Variants in ATAD2B observed in about 807,000 individuals in gnomAD.
ATAD2B encodes ATPase family AAA domain containing 2B, also known as ATPase family AAA domain-containing protein 2B.
ATAD2B carries 40 observed loss-of-function variants against 167.6 expected under a neutral mutation model. That is an observed-to-expected ratio of 0.24 (90% confidence interval 0.19 to 0.31). ATAD2B has a LOEUF of 0.31. Among genes scored for constraint, ATAD2B ranks in the 10% least tolerant of loss-of-function variants. The probability of loss-of-function intolerance (pLI) is 1.00; values close to 1 mark genes in which losing one functional copy is unlikely to be tolerated. For missense variants in ATAD2B, 1,242 were observed against 1,757.2 expected, an observed-to-expected ratio of 0.71 and a Z score of 5.24; for synonymous variants, 579 against 596.5, an observed-to-expected ratio of 0.97 and a Z score of 0.43.
rs185309548 is a variant in ATAD2B at position 23,756,404 on chromosome 2, A to T, written c.4078+1014T>A. Among the ~76,000 whole-genome samples the T allele has an allele frequency of 5.2e-3, 789 of 152,012 alleles. 9 individuals carry two copies. Among genetic ancestry groups the T allele is most frequent in the African/African-American group, 0.016 (679 of 41,462 alleles). On this transcript the variant is annotated intron_variant, in intron 25 of 27. Transcript: ENST00000238789. ...TAAAATACTGGCAGAAAAAAAAAAA[A>T]TTTTCCCACATAGCCCAAATCCCAG...
At chr2:23,695,041 G>A in the ATAD2B span, among the ~76,000 whole-genome samples, 2 of 152,178 alleles carry the variant, frequency 1.3e-5, no homozygotes, top group Non-Finnish European at 2.9e-5. This position sits in a 1 kb window ranked among gnomAD's most constrained non-coding sequence, Gnocchi z 7.6. Flanking sequence ...AGTTTGTTAG[G>A]AGGGGAGATT....
At chr2:23,861,478 TAAA>T (rs201161040) in intron 12 of ATAD2B, among the ~76,000 whole-genome samples, 2 of 131,544 alleles carry the variant, frequency 1.5e-5, no homozygotes. Context: ...AATCTTTCAT[TAAA>T]AAAAAAAAAA....
At chr2:23,924,422 ACCAGGAGTGCTAAATT>A (rs1360412447) in intron 1 of ATAD2B, among the ~76,000 whole-genome samples, 1 of 152,238 alleles carries the variant, frequency 6.6e-6, no homozygotes, top group African/African-American at 2.4e-5. Flanking sequence ...GAAAGGGTGA[ACCAGGAGTGCTAAATT>A]CCTACAAAAC....
the ATAD2B span, among the ~76,000 whole-genome samples, chr2:23,717,822 G>A: frequency 1.7e-3 from 260 of 152,254 alleles, 1 homozygote; most frequent in Non-Finnish European, 3.0e-3. Flanking sequence ...TATAGGAAAT[G>A]AAAGAACAAT....
chr2:23,791,840 A>G (rs1223691361), intron 19 of ATAD2B, among the ~76,000 whole-genome samples: 1 of 152,178 alleles, frequency 6.6e-6, no homozygotes, highest in African/African-American at 2.4e-5. Context: ...TGTTGTGAAC[A>G]TGGGTGTGCA....
intron 13 of ATAD2B, among the ~76,000 whole-genome samples, chr2:23,842,536 T>C (rs1304619826): frequency 6.6e-6 from 1 of 152,172 alleles, no homozygotes; most frequent in East Asian, 1.9e-4. Context: ...AAAAAGTAAG[T>C]TTCCTTCTCT....
intron 2 of ATAD2B, among the ~76,000 whole-genome samples, chr2:23,893,310 A>G (rs987306192): frequency 3.3e-5 from 5 of 152,128 alleles, no homozygotes; most frequent in African/African-American, 7.2e-5. Flanking sequence ...TCTGTATTCA[A>G]TTTTCCTCCA....
At chr2:23,683,098 G>T in the ATAD2B span, among the ~76,000 whole-genome samples, 2 of 152,274 alleles carry the variant, frequency 1.3e-5, no homozygotes, top group Non-Finnish European at 2.9e-5. Flanking sequence ...GAGGCTCAGA[G>T]AGACAAAGGG....
At chr2:23,680,279 T>C in the ATAD2B span, among the ~76,000 whole-genome samples, 10 of 152,194 alleles carry the variant, frequency 6.6e-5, no homozygotes, top group East Asian at 1.5e-3. The surrounding 1 kb of genome is among the most constrained non-coding windows in gnomAD (Gnocchi z 4.1). Context: ...GGGGAAGGCC[T>C]GCGGATTGCG....
the ATAD2B span, chr2:23,706,561 C>T: frequency 1.3e-6 from 2 of 1,537,166 alleles, no homozygotes. Flanking sequence ...AACATGGAGG[C>T]CTACGAGCCC....
At chr2:23,799,016 G>A (rs562333229) in intron 18 of ATAD2B, among the ~76,000 whole-genome samples, 24 of 152,164 alleles carry the variant, frequency 1.6e-4, no homozygotes, top group Non-Finnish European at 3.2e-4. Flanking sequence ...TTTCAATCAC[G>A]CTCTGCCAAC....
chr2:23,755,164 A>C (rs1427833174), intron 25 of ATAD2B: 1 of 152,056 alleles, frequency 6.6e-6, no homozygotes, highest in Non-Finnish European at 1.5e-5. Flanking sequence ...AAAAGCAGAT[A>C]CTAACAAAAG....
the ATAD2B span, among the ~76,000 whole-genome samples, chr2:23,719,094 T>G: frequency 6.6e-6 from 1 of 152,206 alleles, no homozygotes; most frequent in Non-Finnish European, 1.5e-5. Flanking sequence ...ACACAGAGAT[T>G]GAACATAAAG....
chr2:23,698,079 C>G, the ATAD2B span: 1 of 152,276 alleles, frequency 6.6e-6, no homozygotes, highest in African/African-American at 2.4e-5. Flanking sequence ...ACAAGCTCTA[C>G]TCTTCCAGGG....
chr2:23,842,271 A>T (rs193056226), intron 13 of ATAD2B, among the ~76,000 whole-genome samples: 1 of 152,288 alleles, frequency 6.6e-6, no homozygotes, highest in East Asian at 1.9e-4. Context: ...ATTATACATT[A>T]CGTTTCTATT....
At position 23,824,198 on chromosome 2, in the gene ATAD2B, G is replaced by A. The variant is rs532043792; in HGVS notation, c.1820-629C>T. Among the ~76,000 whole-genome samples the A allele has an allele frequency of 6.9e-4, 105 of 152,272 alleles. 1 individual carries two copies. The highest frequency in any genetic ancestry group is 1.4e-3 in the Non-Finnish European group (93 of 68,002). Reference sequence around the variant, plus strand: ...GCTGGTCTCAAACTCCTGGGCTCAAGTGATCCACCCGCCTCAGCACCCTCA... The same window carrying A: ...GCTGGTCTCAAACTCCTGGGCTCAAATGATCCACCCGCCTCAGCACCCTCA... On this transcript the variant is annotated intron_variant, in intron 15 of 27. Transcript: ENST00000238789.
intron 22 of ATAD2B, among the ~76,000 whole-genome samples, chr2:23,776,241 T>C (rs1679107817): frequency 6.6e-6 from 1 of 152,232 alleles, no homozygotes; most frequent in East Asian, 1.9e-4. Context: ...TGGTTTACCT[T>C]CCCAGATTCC....
intron 1 of ATAD2B, among the ~76,000 whole-genome samples, chr2:23,902,825 G>A (rs779345041): frequency 6.6e-6 from 1 of 152,092 alleles, no homozygotes; most frequent in Non-Finnish European, 1.5e-5. Flanking sequence ...CAACATTTTG[G>A]GAGACCCAGG....
chr2:23,828,176 C>T (rs530625779), intron 15 of ATAD2B, among the ~76,000 whole-genome samples: 3 of 151,612 alleles, frequency 2.0e-5, no homozygotes, highest in East Asian at 3.9e-4. Context: ...AGGTGCCTAA[C>T]ATTGTATTCC....
Sources: gnomAD v4.1 joint callset for allele counts (sites outside exome capture counted in the v4.1 genomes callset) on GRCh38, gnomAD v4.1.1 for gene constraint, Gnocchi (gnomAD v3.1) non-coding constraint, MANE v1.5 for transcripts, NCBI Gene and HGNC (gene_info 2026-07-23, HGNC 2026-07-21) for gene names.